Variants in CYP3A4 observed in about 807,000 individuals in gnomAD.
CYP3A4 encodes cytochrome P450 family 3 subfamily A member 4.
A neutral mutation model predicts 54.9 loss-of-function variants in CYP3A4; 41 were observed. The ratio of observed to expected loss-of-function variants is 0.75; its 90% confidence interval spans 0.58 to 0.97. CYP3A4 has a LOEUF of 0.97. Ranked by LOEUF, CYP3A4 falls within the 50% of genes least tolerant of loss-of-function variation. The pLI is 0.00. For synonymous variants in CYP3A4, 179 were observed against 205.2 expected (o/e 0.87, Z 1.09); for missense variants, 510 against 597.3 (o/e 0.85, Z 1.52).
At chr7:99,783,401 C>T (rs558228574) in intron 1 of CYP3A4, among the ~76,000 whole-genome samples, 6 of 152,162 alleles carry the variant, frequency 3.9e-5, no homozygotes, top group Non-Finnish European at 7.4e-5. Flanking sequence ...GAATGAGATC[C>T]GTCACTACTT....
chr7:99,771,939 A>C (rs1815645944), intron 4 of CYP3A4, among the ~76,000 whole-genome samples: 1 of 152,202 alleles, frequency 6.6e-6, no homozygotes, highest in Admixed American at 6.5e-5. Context: ...AAAATAACAC[A>C]AAATTGATAA....
At chr7:99,761,426 C>G (rs375064940) in intron 11 of CYP3A4, among the ~76,000 whole-genome samples, 2 of 152,016 alleles carry the variant, frequency 1.3e-5, no homozygotes, top group Admixed American at 1.3e-4. Context: ...TTCTCATCTC[C>G]TCTCTTGTTT....
Position 99,762,132 on chromosome 7 carries a change from T to A in CYP3A4, c.1162A>T (p.Ile388Phe), listed in dbSNP as rs1171291231. The A allele has an allele frequency of 6.2e-7, 1 of 1,614,066 alleles. No homozygotes were observed. The highest frequency in any genetic ancestry group is 1.1e-5 in the South Asian group (1 of 91,074). The change falls in exon 11 of 13, where the codon ATT becomes TTT. Residue 388 changes from isoleucine to phenylalanine, a missense_variant. Transcript: ENST00000651514. The part of the protein sequence containing the change: ...KKDVEINGMF[I>F]PKGVVVMIPS... ...ATCATCACCACCACCCCTTTGGGAATGAACATCCCATTGATCTCAACATCT... is the reference window on the plus strand; with the variant it reads ...ATCATCACCACCACCCCTTTGGGAAAGAACATCCCATTGATCTCAACATCT...
At chr7:99,761,541 G>C (rs1584540107) in intron 11 of CYP3A4, among the ~76,000 whole-genome samples, 1 of 151,488 alleles carries the variant, frequency 6.6e-6, no homozygotes, top group Non-Finnish European at 1.5e-5. Flanking sequence ...CCATAGAATA[G>C]TTGAAGTCAG....
At chr7:99,778,158 T>C (rs1206246861) in intron 2 of CYP3A4, 78 bp from the exon 3 acceptor site, 2 of 1,175,028 alleles carry the variant, frequency 1.7e-6, no homozygotes, top group African/African-American at 3.1e-5. Flanking sequence ...ATGAAAACAG[T>C]CGAAGCCAAT....
intron 1 of CYP3A4, among the ~76,000 whole-genome samples, chr7:99,780,703 C>G (rs1815899077): frequency 6.6e-6 from 1 of 152,194 alleles, no homozygotes; most frequent in African/African-American, 2.4e-5. Context: ...CTTATTTCTA[C>G]AGATTGACAA....
intron 7 of CYP3A4, among the ~76,000 whole-genome samples, chr7:99,767,798 T>G (rs1389291393): frequency 4.6e-5 from 7 of 152,134 alleles, no homozygotes; most frequent in African/African-American, 1.4e-4. Flanking sequence ...AGAAACTGTT[T>G]TGAGGTGAAC....
At chr7:99,769,221 G>A (rs1815565308) in intron 6 of CYP3A4, among the ~76,000 whole-genome samples, 1 of 152,158 alleles carries the variant, frequency 6.6e-6, no homozygotes, top group African/African-American at 2.4e-5. Context: ...CATAAGTGTA[G>A]ATAGCAAATA....
intron 3 of CYP3A4, among the ~76,000 whole-genome samples, chr7:99,776,720 A>G (rs1815780815): frequency 6.6e-6 from 1 of 152,180 alleles, no homozygotes. Context: ...GAGAGATAGC[A>G]TTAGGAGAAA....
At chr7:99,775,961 T>A (rs1243475051) in intron 3 of CYP3A4, among the ~76,000 whole-genome samples, 3 of 152,014 alleles carry the variant, frequency 2.0e-5, no homozygotes, top group Non-Finnish European at 2.9e-5. Flanking sequence ...AGGGCTAACA[T>A]CCAGAATCTA....
intron 4 of CYP3A4, among the ~76,000 whole-genome samples, chr7:99,771,207 T>G (rs1815625885): frequency 6.6e-6 from 1 of 152,124 alleles, no homozygotes; most frequent in Non-Finnish European, 1.5e-5. Flanking sequence ...TAACTGACAA[T>G]GTGTAAAATC....
intron 10 of CYP3A4, 104 bp from the exon 11 acceptor site, chr7:99,762,371 A>G: frequency 1.4e-6 from 2 of 1,411,584 alleles, no homozygotes; most frequent in Non-Finnish European, 2.0e-6. Flanking sequence ...AGACTAACTC[A>G]TACTGGTAAA....
At position 99,759,348 on chromosome 7, in the gene CYP3A4, T is replaced by A. The variant is rs1361454520; in HGVS notation, c.1417-1120A>T. ...AATATTTCAAATCTTTCTATAAATA[T>A]AATACCTTATTATTTAAAAATTTTC... On this transcript the variant is annotated intron_variant, in intron 12 of 12. Coordinates refer to ENST00000651514, the MANE Select transcript of CYP3A4 (RefSeq NM_017460.6). Among the ~76,000 whole-genome samples, 3 of 152,360 alleles carry A rather than the reference T, an allele frequency of 2.0e-5. No homozygotes were observed. The East Asian group carries it at 5.8e-4, about 29-fold the overall frequency.
chr7:99,780,987 C>G (rs1192657028), intron 1 of CYP3A4, among the ~76,000 whole-genome samples: 1 of 152,198 alleles, frequency 6.6e-6, no homozygotes, highest in Non-Finnish European at 1.5e-5. Flanking sequence ...ACCAAAATCT[C>G]ATGTTGAAAT....
chr7:99,783,643 C>T (rs1420667591), intron 1 of CYP3A4, among the ~76,000 whole-genome samples: 2 of 128,522 alleles, frequency 1.6e-5, no homozygotes, highest in Non-Finnish European at 3.2e-5. Flanking sequence ...CAGCCTCACT[C>T]TGTCACCCAG....
chr7:99,770,073 C>T (rs751520614), intron 5 of CYP3A4, 49 bp downstream of exon 5: 1 of 1,576,994 alleles, frequency 6.3e-7, no homozygotes, highest in Non-Finnish European at 8.7e-7. Context: ...CCTGTCCCCA[C>T]CAGATTCATT....
At chr7:99,767,108 C>G (rs771222055) in intron 8 of CYP3A4, 23 bp downstream of exon 8, 1 of 1,603,696 alleles carries the variant, frequency 6.2e-7, no homozygotes, top group Admixed American at 1.7e-5. Flanking sequence ...AAACATCCTC[C>G]TATAACTACC....
Position 99,772,635 on chromosome 7 carries a change from T to C in CYP3A4, c.273A>G (p.Lys91=), listed in dbSNP as rs1240376921. 1.9e-6 allele frequency: 3 copies of C among 1,613,480 alleles called. No homozygotes were observed. Among genetic ancestry groups the C allele is most frequent in the South Asian group, 1.1e-5 (1 of 91,060 alleles). The change falls in exon 4 of 13, where the codon AAA becomes AAG. Residue 91 remains lysine, a synonymous_variant. Coordinates refer to ENST00000651514, the MANE Select transcript of CYP3A4 (RefSeq NM_017460.6). ...VLAITDPDMI[K]TVLVKECYSV... The stretch of plus-strand genomic sequence containing the variant: ...AATAACATTCTTTCACTAGCACTGT[T>C]TTGATCATGTCAGGATCTGTGATAG...
At chr7:99,761,823 G>A (rs1440955909) in intron 11 of CYP3A4, among the ~76,000 whole-genome samples, 1 of 152,070 alleles carries the variant, frequency 6.6e-6, no homozygotes, top group African/African-American at 2.4e-5. Context: ...GACCTTCATC[G>A]TAAGTTGTTG....
Sources: allele counts gnomAD v4.1 joint callset (sites outside exome capture counted in the v4.1 genomes callset), GRCh38; gene constraint gnomAD v4.1.1; transcripts MANE v1.5; gene names NCBI Gene and HGNC (gene_info 2026-07-23, HGNC 2026-07-21).